Variants in DCP1B observed in about 807,000 individuals in gnomAD.
DCP1B encodes the protein mRNA-decapping enzyme 1B.
A neutral mutation model predicts 60.5 loss-of-function variants in DCP1B; 47 were observed. That is an observed-to-expected ratio of 0.78 (90% CI 0.61 to 0.99). The LOEUF (loss-of-function observed/expected upper bound fraction) is 0.99. Ranked by LOEUF, DCP1B falls within the 50% of genes least tolerant of loss-of-function variation. The pLI, the probability that DCP1B is intolerant of heterozygous loss-of-function variation, is 0.00. For missense variants in DCP1B, 725 were observed against 756.8 expected, an observed-to-expected ratio of 0.96 and a Z score of 0.49; for synonymous variants, 267 against 280.3, an observed-to-expected ratio of 0.95 and a Z score of 0.47.
chr12:1,997,523 T>A (rs2041228991), intron 2 of DCP1B, among the ~76,000 whole-genome samples: 1 of 152,040 alleles, frequency 6.6e-6, no homozygotes, highest in Admixed American at 6.6e-5. Flanking sequence ...CGAGACTCCA[T>A]CTCAAAAAAA....
chr12:1,990,472 AATG>A (rs2039082191), intron 3 of DCP1B, among the ~76,000 whole-genome samples: 4 of 152,200 alleles, frequency 2.6e-5, no homozygotes, highest in Admixed American at 2.6e-4. Flanking sequence ...TGGCTGATTA[AATG>A]AAGAGAGTTT....
At chr12:1,995,033 G>A (rs1048112625) in intron 2 of DCP1B, among the ~76,000 whole-genome samples, 1 of 151,810 alleles carries the variant, frequency 6.6e-6, no homozygotes, top group Non-Finnish European at 1.5e-5. Flanking sequence ...CATTCTTGAG[G>A]AGTTAGATTT....
chr12:1,992,992 A>G (rs148288647), intron 3 of DCP1B: 16,826 of 619,528 alleles, frequency 0.027, 316 homozygotes, highest in Middle Eastern at 0.055. Context: ...CAGGCTTAAG[A>G]TCAGCAATGG....
At chr12:1,953,494 AAC>A (rs1362984877) in intron 6 of DCP1B, among the ~76,000 whole-genome samples, 1 of 152,190 alleles carries the variant, frequency 6.6e-6, no homozygotes, top group African/African-American at 2.4e-5. Context: ...GCACCCCCAA[AAC>A]AGTTATTATA....
intron 3 of DCP1B, among the ~76,000 whole-genome samples, chr12:1,989,860 A>G (rs1364960499): frequency 6.6e-6 from 1 of 152,260 alleles, no homozygotes; most frequent in East Asian, 1.9e-4. Flanking sequence ...ATATGGGAAT[A>G]TTACAAAAGA....
chr12:1,990,176 A>G (rs1034577823), intron 3 of DCP1B, among the ~76,000 whole-genome samples: 1 of 152,222 alleles, frequency 6.6e-6, no homozygotes, highest in African/African-American at 2.4e-5. Flanking sequence ...TAGTATTCTC[A>G]TTTATAAAAC....
rs535298679 is a variant in DCP1B, at chr12:1,994,935, A to G, written c.192-1544T>C. Among the ~76,000 whole-genome samples the G allele has an allele frequency of 1.9e-4, 24 of 126,132 alleles. No individual in the cohort carries two copies. In the South Asian group the frequency reaches 7.0e-3, roughly 37 times the overall value. The allele number at this position is 126,132 out of a possible 152,430, so 82.7% of individuals were successfully genotyped here. On this transcript the variant is annotated intron_variant, in intron 2 of 8. Coordinates refer to ENST00000280665, the MANE Select transcript of DCP1B (RefSeq NM_152640.5). ...ACCCCCCACCCACCATGAGTTTTAC[A>G]TGCTTTTTGTAATTCGCTACTGAAG...
intron 5 of DCP1B, among the ~76,000 whole-genome samples, chr12:1,960,505 C>T (rs903932861): frequency 6.6e-6 from 1 of 152,080 alleles, no homozygotes; most frequent in African/African-American, 2.4e-5. Flanking sequence ...ATATTGTATA[C>T]TGAAAGTTGC....
intron 5 of DCP1B, among the ~76,000 whole-genome samples, chr12:1,957,564 A>G (rs2030929643): frequency 6.6e-6 from 1 of 152,212 alleles, no homozygotes; most frequent in Non-Finnish European, 1.5e-5. Context: ...TTAAACCACA[A>G]AACACAAATA....
At chr12:2,001,109 CTA>C (rs964990775) in intron 1 of DCP1B, among the ~76,000 whole-genome samples, 32 of 152,134 alleles carry the variant, frequency 2.1e-4, no homozygotes, top group African/African-American at 7.7e-4. Flanking sequence ...GTCAGGCGCT[CTA>C]TGACACCTGG....
intron 2 of DCP1B, among the ~76,000 whole-genome samples, chr12:1,997,381 G>T (rs564376896): frequency 6.6e-6 from 1 of 152,198 alleles, no homozygotes; most frequent in Non-Finnish European, 1.5e-5. Flanking sequence ...TTAGCTGGGC[G>T]TGGTGGCGCA....
At chr12:1,950,212 T>C (rs2030612597) in intron 7 of DCP1B, 4 of 618,846 alleles carry the variant, frequency 6.5e-6, no homozygotes, top group East Asian at 2.7e-5. Flanking sequence ...TGAGCAAAAG[T>C]TGGCCTAGAG....
chr12:1,965,539 A>G lies in DCP1B; in HGVS notation c.522+19T>C. ...GGAACTGAAGTGTGTATGTATCACAAGGAAGGGCAAACACTCACCTTTGTG... is the reference window on the plus strand; with the variant it reads ...GGAACTGAAGTGTGTATGTATCACAGGGAAGGGCAAACACTCACCTTTGTG... On this transcript the variant is annotated intron_variant, in intron 5 of 8. Transcript: ENST00000280665. 1 of 1,605,590 alleles carries G rather than the reference A, an allele frequency of 6.2e-7. No homozygotes were observed. Among genetic ancestry groups the G allele is most frequent in the Non-Finnish European group, 8.5e-7 (1 of 1,176,000 alleles).
chr12:1,972,473 C>A (rs2032737765), intron 3 of DCP1B, among the ~76,000 whole-genome samples: 1 of 152,086 alleles, frequency 6.6e-6, no homozygotes, highest in East Asian at 1.9e-4. Flanking sequence ...TTTGAAAGAT[C>A]CCAAGATATT....
rs142351017 is a variant in DCP1B at position 1,953,104 on chromosome 12, G to T, written c.836C>A (p.Pro279His). The change falls in exon 7 of 9, where the codon CCC becomes CAC. Residue 279 changes from proline to histidine, a missense_variant. By Grantham distance (77) the Pro-to-His change is moderately conservative (BLOSUM62 -2). Transcript: ENST00000280665. Reference sequence around the variant, plus strand: ...CTCAATGGGGGGTGAGTGTCTTCTGGGTTCCTCATAGGACAGGGAGCGTAC... The same window carrying T: ...CTCAATGGGGGGTGAGTGTCTTCTGTGTTCCTCATAGGACAGGGAGCGTAC... ...GVVRSLSYEE[P>H]RRHSPPIEKQ... The T allele has an allele frequency of 1.9e-6, 3 of 1,613,902 alleles. No homozygotes were observed. The African/African-American group carries it at 4.0e-5, about 22-fold the overall frequency.
intron 1 of DCP1B, among the ~76,000 whole-genome samples, chr12:2,002,643 A>G (rs1206934337): frequency 6.6e-5 from 10 of 152,232 alleles, no homozygotes; most frequent in Admixed American, 2.0e-4. Context: ...TACTCTCTTT[A>G]TACTGACAGT....
intron 3 of DCP1B, among the ~76,000 whole-genome samples, chr12:1,985,259 T>C (rs1036663016): frequency 2.0e-5 from 3 of 152,202 alleles, no homozygotes; most frequent in Non-Finnish European, 4.4e-5. Context: ...GACCTTCTGA[T>C]ATTGCCCCAC....
downstream of DCP1B, among the ~76,000 whole-genome samples, chr12:1,943,741 C>G (rs929994021): frequency 4.6e-5 from 7 of 152,148 alleles, no homozygotes; most frequent in South Asian, 2.1e-4. Context: ...ATTCAACACC[C>G]CTTCACGCTA....
downstream of DCP1B, among the ~76,000 whole-genome samples, chr12:1,942,082 G>C (rs1390678237): frequency 1.3e-5 from 2 of 152,096 alleles, no homozygotes; most frequent in African/African-American, 2.4e-5. Context: ...TCAAAATAAA[G>C]GGATGGAGGA....
Sources: gnomAD v4.1 joint callset for allele counts (sites outside exome capture counted in the v4.1 genomes callset) on GRCh38, gnomAD v4.1.1 for gene constraint, MANE v1.5 for transcripts, NCBI Gene and HGNC (gene_info 2026-07-23, HGNC 2026-07-21) for gene names.